ROBO2: variants seen among roughly 807,000 people sequenced by gnomAD.
The protein encoded by ROBO2 is roundabout homolog 2.
A neutral mutation model predicts 160.8 loss-of-function variants in ROBO2; 53 were observed. The observed-to-expected ratio is 0.33, with a 90% CI of 0.26 to 0.41. The LOEUF is 0.41. ROBO2 is among the 10% of genes least tolerant of loss of function. The probability of loss-of-function intolerance (pLI) is 1.00; values close to 1 mark genes in which losing one functional copy is unlikely to be tolerated. For synonymous variants in ROBO2, 664 were observed against 611.7 expected (o/e 1.09, Z -1.26); for missense variants, 1,577 against 1,722.4 (o/e 0.92, Z 1.49).
chr3:76,729,829 G>A (rs943281776), intron 2 of ROBO2, among the ~76,000 whole-genome samples: 8 of 152,004 alleles, frequency 5.3e-5, no homozygotes, highest in Admixed American at 2.0e-4. Flanking sequence ...GTAGAGACGA[G>A]GTTTTGCCAT....
At chr3:76,620,014 C>G (rs2088935875) in intron 2 of ROBO2, among the ~76,000 whole-genome samples, 1 of 152,056 alleles carries the variant, frequency 6.6e-6, no homozygotes, top group Non-Finnish European at 1.5e-5. Context: ...AAACATATGT[C>G]TAGTTGGGAA....
chr3:76,871,054 T>C (rs2071995698), intron 2 of ROBO2, among the ~76,000 whole-genome samples: 1 of 152,222 alleles, frequency 6.6e-6, no homozygotes, highest in Non-Finnish European at 1.5e-5. Context: ...CTGTAGTTCT[T>C]GGACTTGAAA....
chr3:76,835,293 T>C (rs1053886593), intron 2 of ROBO2, among the ~76,000 whole-genome samples: 2 of 150,830 alleles, frequency 1.3e-5, no homozygotes, highest in African/African-American at 4.9e-5. Flanking sequence ...AACTTACATT[T>C]TATATGACAC....
In ROBO2 at chr3:76,669,435, C is replaced by T. The variant is rs571847073; in HGVS notation, c.110-428579C>T. ...ACAGGAAGTCCAAGGTCCGGGTAGT[C>T]TGTGTTTGAAGGCCAAGAAAAAGGG... On this transcript the variant is annotated intron_variant, in intron 2 of 26. Coordinates refer to the ROBO2 transcript ENST00000487694. 1.0e-3 allele frequency among the ~76,000 whole-genome samples: 157 copies of T among 152,178 alleles called. 1 individual carries two copies. The highest frequency in any genetic ancestry group is 3.5e-3 in the African/African-American group (147 of 41,546).
At chr3:76,053,139 T>C (rs2067709481) in intron 2 of ROBO2, among the ~76,000 whole-genome samples, 1 of 152,022 alleles carries the variant, frequency 6.6e-6, no homozygotes, top group African/African-American at 2.4e-5. Flanking sequence ...GATGTTGACA[T>C]TGATATAATC....
At chr3:77,261,701 A>G (rs115768966) in intron 2 of ROBO2, among the ~76,000 whole-genome samples, 8 of 152,046 alleles carry the variant, frequency 5.3e-5, no homozygotes, top group African/African-American at 1.9e-4. Flanking sequence ...CATTACCACA[A>G]TTGGAAGAAA....
chr3:77,415,125 A>C (rs995687668), intron 2 of ROBO2, among the ~76,000 whole-genome samples: 5 of 152,314 alleles, frequency 3.3e-5, no homozygotes, highest in Non-Finnish European at 7.3e-5. Context: ...TACTGTAATT[A>C]GTGTCAGTTG....
intron 2 of ROBO2, among the ~76,000 whole-genome samples, chr3:77,458,965 G>C (rs935734112): frequency 1.4e-4 from 21 of 151,954 alleles, no homozygotes; most frequent in African/African-American, 4.8e-4. Flanking sequence ...TTATAAACCT[G>C]CCCACCTCAC....
chr3:77,225,113 C>T (rs926556942), intron 2 of ROBO2, among the ~76,000 whole-genome samples: 1 of 151,644 alleles, frequency 6.6e-6, no homozygotes, highest in African/African-American at 2.4e-5. Flanking sequence ...TTTATCTATC[C>T]CTCCTGTTCT....
intron 2 of ROBO2, among the ~76,000 whole-genome samples, chr3:76,367,153 T>G (rs1253112522): frequency 6.6e-6 from 1 of 152,078 alleles, no homozygotes; most frequent in Non-Finnish European, 1.5e-5. Context: ...TTGCTTTAAA[T>G]TTATTATATC....
intron 2 of ROBO2, among the ~76,000 whole-genome samples, chr3:77,256,051 A>G (rs1481046270): frequency 1.3e-5 from 2 of 152,196 alleles, no homozygotes; most frequent in Non-Finnish European, 2.9e-5. Flanking sequence ...TGTGATAGCT[A>G]ATGTGCCTGT....
chr3:77,022,539 A>T (rs1343836980), intron 2 of ROBO2, among the ~76,000 whole-genome samples: 1 of 152,204 alleles, frequency 6.6e-6, no homozygotes, highest in African/African-American at 2.4e-5. Flanking sequence ...AATTCTATAA[A>T]GCCATCCATT....
chr3:76,547,089 CT>C (rs947019284), intron 2 of ROBO2, among the ~76,000 whole-genome samples: 3 of 151,864 alleles, frequency 2.0e-5, no homozygotes, highest in African/African-American at 7.2e-5. Flanking sequence ...AAAATTTTCC[CT>C]TTTAATTTTC....
intron 2 of ROBO2, among the ~76,000 whole-genome samples, chr3:77,033,214 T>C (rs1442496196): frequency 6.6e-6 from 1 of 152,226 alleles, no homozygotes; most frequent in Non-Finnish European, 1.5e-5. Flanking sequence ...TATTCTCTAT[T>C]GTGTCCTTAT....
At chr3:77,420,635 T>C (rs897467968) in intron 2 of ROBO2, among the ~76,000 whole-genome samples, 1 of 152,160 alleles carries the variant, frequency 6.6e-6, no homozygotes, top group Non-Finnish European at 1.5e-5. Flanking sequence ...TCTGTCACTC[T>C]GACTCTGCTC....
intron 16 of ROBO2, among the ~76,000 whole-genome samples, chr3:77,585,414 C>T (rs1188379612): frequency 6.6e-6 from 1 of 151,774 alleles, no homozygotes; most frequent in Non-Finnish European, 1.5e-5. Flanking sequence ...CTTAATTTCC[C>T]TATCATTTAT....
intron 2 of ROBO2, among the ~76,000 whole-genome samples, chr3:76,871,675 TTAAC>T (rs1444126801): frequency 1.3e-5 from 2 of 152,048 alleles, no homozygotes; most frequent in Non-Finnish European, 2.9e-5. Context: ...TTCAGGGAAA[TTAAC>T]TAAATTGATT....
intron 2 of ROBO2, among the ~76,000 whole-genome samples, chr3:76,756,780 T>C (rs2060997756): frequency 6.6e-6 from 1 of 151,908 alleles, no homozygotes; most frequent in Non-Finnish European, 1.5e-5. Context: ...CGAGCAAATC[T>C]GTCTACAGGA....
At chr3:77,137,525 C>T (rs552876141) in intron 2 of ROBO2, among the ~76,000 whole-genome samples, 131 of 152,290 alleles carry the variant, frequency 8.6e-4, no homozygotes, top group African/African-American at 3.0e-3. Flanking sequence ...GGCCCCCGGC[C>T]GTATATATAA....
Sources: gnomAD v4.1 joint callset for allele counts (sites outside exome capture counted in the v4.1 genomes callset) on GRCh38, gnomAD v4.1.1 for gene constraint, MANE v1.5 for transcripts, NCBI Gene and HGNC (gene_info 2026-07-23, HGNC 2026-07-21) for gene names.